FNBP1: variants seen among roughly 807,000 people sequenced by gnomAD.
The protein encoded by FNBP1 is formin binding protein 1.
A neutral mutation model predicts 90.6 loss-of-function variants in FNBP1; 26 were observed. That is an observed-to-expected ratio of 0.29 (90% CI 0.21 to 0.40). FNBP1 has a LOEUF of 0.40. Ranked by LOEUF, FNBP1 falls within the 10% of genes least tolerant of loss-of-function variation. The pLI is 1.00. For synonymous variants in FNBP1, 260 were observed against 265.2 expected (o/e 0.98, Z 0.19); for missense variants, 635 against 768.0 (o/e 0.83, Z 2.05).
rs1405040118 is a variant in FNBP1 at position 130,028,637 on chromosome 9, T to TAAA, written c.24+14312_24+14314dup. On this transcript the variant is annotated intron_variant, in intron 1 of 16. Coordinates refer to ENST00000446176, the MANE Select transcript of FNBP1 (RefSeq NM_015033.3). ...TTAACAGTCTATACCCCTCCCAGTCTAAAACACGGTTCACACAATGGTTCT... is the reference window on the plus strand; with the variant it reads ...TTAACAGTCTATACCCCTCCCAGTCTAAAAAAACACGGTTCACACAATGGTTCT... Among the ~76,000 whole-genome samples the TAAA allele has an allele frequency of 8.5e-4, 129 of 152,182 alleles. 11 individuals are homozygous for TAAA. Among genetic ancestry groups the TAAA allele is most frequent in the Non-Finnish European group, 2.9e-5 (2 of 68,032 alleles).
intron 4 of FNBP1, among the ~76,000 whole-genome samples, chr9:129,971,651 A>G (rs1239695772): frequency 6.6e-6 from 1 of 152,234 alleles, no homozygotes; most frequent in African/African-American, 2.4e-5. Flanking sequence ...TTGGCCTCCC[A>G]AAGTGCTGGG....
chr9:129,948,855 TA>T (rs1468433248), intron 6 of FNBP1, among the ~76,000 whole-genome samples: 1 of 151,952 alleles, frequency 6.6e-6, no homozygotes, highest in Non-Finnish European at 1.5e-5. Context: ...ACAGCTGTTT[TA>T]AAAGGGTTCA....
At chr9:129,973,586 C>T (rs1165291623) in intron 4 of FNBP1, among the ~76,000 whole-genome samples, 59 of 151,858 alleles carry the variant, frequency 3.9e-4, no homozygotes, top group Non-Finnish European at 6.6e-4. Flanking sequence ...CTGCAAGCTC[C>T]GCCTCCTGGG....
intron 12 of FNBP1, among the ~76,000 whole-genome samples, chr9:129,906,137 C>G (rs1324079189): frequency 6.6e-6 from 1 of 152,012 alleles, no homozygotes; most frequent in Non-Finnish European, 1.5e-5. Context: ...CCTGCCTCAG[C>G]CTCCCAAAGT....
At chr9:130,033,785 G>C (rs1483853166) in intron 1 of FNBP1, among the ~76,000 whole-genome samples, 3 of 148,002 alleles carry the variant, frequency 2.0e-5, no homozygotes, top group Non-Finnish European at 4.4e-5. Context: ...GAGGTCAGGA[G>C]AGTGAGACCA....
the FNBP1 span, among the ~76,000 whole-genome samples, chr9:130,051,101 A>G: frequency 6.6e-6 from 1 of 152,024 alleles, no homozygotes; most frequent in East Asian, 1.9e-4. Flanking sequence ...GGGTTTTGCC[A>G]TGTTAGCTAG....
intron 1 of FNBP1, among the ~76,000 whole-genome samples, chr9:130,029,138 TA>T (rs1320115647): frequency 6.6e-6 from 1 of 152,306 alleles, no homozygotes; most frequent in East Asian, 1.9e-4. Context: ...ATAAGTAGTT[TA>T]AAATATTGTT....
At chr9:129,996,347 A>C (rs2054001941) in intron 1 of FNBP1, among the ~76,000 whole-genome samples, 1 of 152,148 alleles carries the variant, frequency 6.6e-6, no homozygotes, top group Non-Finnish European at 1.5e-5. Flanking sequence ...GAAAGGACTA[A>C]GGGGGCGAGC....
rs183747597 is a variant in FNBP1 at position 129,917,082 on chromosome 9, G to A, written c.1171-1102C>T. Among the ~76,000 whole-genome samples the A allele has an allele frequency of 1.3e-3, 200 of 151,930 alleles. 4 individuals are homozygous for A. The highest frequency in any genetic ancestry group is 3.3e-3 in the Admixed American group (50 of 15,260). On this transcript the variant is annotated intron_variant, in intron 10 of 16. Coordinates refer to ENST00000446176, the MANE Select transcript of FNBP1 (RefSeq NM_015033.3). ...GGCAGGAGTGCAGTGGCGTAATCTC[G>A]GCTCACTGCCACCTCCGCCTCCCAG...
Position 129,900,541 on chromosome 9 carries a change from G to C in FNBP1, c.1435C>G (p.Leu479Val). 4.5e-6 allele frequency: 7 copies of C among 1,566,292 alleles called. No homozygotes were observed. The highest frequency in any genetic ancestry group is 6.0e-6 in the Non-Finnish European group (7 of 1,159,444). ...RVETQKFEAW[L>V]AEVEGRLPAR... is the part of the protein sequence containing the mutation. ...GGGAGCCGGCCTTCAACCTCAGCCA[G>C]CCAGGCCTGGAGACAAAAGCAATGA... The change falls in exon 14 of 17, where the codon CTG becomes GTG. Residue 479 changes from leucine (L) to valine (V), a missense_variant. Leu to Val is a conservative substitution (Grantham distance 32, BLOSUM62 1). Transcript: ENST00000446176. This position sits in a 1 kb window ranked among gnomAD's most constrained non-coding sequence, Gnocchi z 4.1.
intron 1 of FNBP1, among the ~76,000 whole-genome samples, chr9:130,003,919 G>T: frequency 7.6e-4 from 1 of 1,310 alleles, no homozygotes; most frequent in Non-Finnish European, 6.6e-3. Flanking sequence ...GCGAGACTCC[G>T]CCTCAAAAAA....
chr9:129,966,547 G>A lies in FNBP1; in HGVS notation c.346-7994C>T, dbSNP rs1301364313. On this transcript the variant is annotated intron_variant, in intron 4 of 16. Transcript: ENST00000446176. This position sits in a 1 kb window ranked among gnomAD's most constrained non-coding sequence, Gnocchi z 4.3. ...AGTTCGAGACCAGCCTGGCCAACATGATGAAATGCCGTCTCTACTAAAAAT... is the reference window on the plus strand; with the variant it reads ...AGTTCGAGACCAGCCTGGCCAACATAATGAAATGCCGTCTCTACTAAAAAT... 6.6e-6 allele frequency among the ~76,000 whole-genome samples: 1 copy of A among 152,076 alleles called. No homozygotes were observed. The highest frequency in any genetic ancestry group is 1.5e-5 in the Non-Finnish European group (1 of 68,016).
intron 1 of FNBP1, among the ~76,000 whole-genome samples, chr9:130,017,915 CTT>C (rs1233394287): frequency 3.9e-5 from 2 of 51,562 alleles, no homozygotes; most frequent in Admixed American, 1.8e-4. Flanking sequence ...CAACACTCTT[CTT>C]TTTTTTTTTT....
Position 129,890,278 on chromosome 9 carries a change from C to T in FNBP1, c.*261G>A, listed in dbSNP as rs944377048. The T allele has an allele frequency of 8.9e-4, 440 of 492,318 alleles. 11 individuals carry two copies. The East Asian group carries it at 0.016, about 18-fold the overall frequency. 30.5% of individuals were successfully genotyped at this position (492,318 alleles called of 1,614,324 possible). ...TGTCCCACCGTCTCAGTGGCCTGCGCGGGGTGGGGAGGGGGAGCGATGAGG... is the reference window on the plus strand; with the variant it reads ...TGTCCCACCGTCTCAGTGGCCTGCGTGGGGTGGGGAGGGGGAGCGATGAGG... On this transcript the variant is annotated 3_prime_UTR_variant, in exon 17 of 17. Transcript: ENST00000446176. The surrounding 1 kb of genome is among the most constrained non-coding windows in gnomAD (Gnocchi z 5.8).
intron 6 of FNBP1, among the ~76,000 whole-genome samples, chr9:129,933,088 C>G (rs543220888): frequency 1.3e-5 from 2 of 152,138 alleles, no homozygotes; most frequent in African/African-American, 4.8e-5. Flanking sequence ...CTGTAAAGAA[C>G]AGCAAGAGCT....
intron 12 of FNBP1, among the ~76,000 whole-genome samples, chr9:129,904,585 A>G (rs2037612143): frequency 6.6e-6 from 1 of 152,222 alleles, no homozygotes; most frequent in South Asian, 2.1e-4. Context: ...AACTAAAAAT[A>G]TAGAAATAAC....
At chr9:129,980,361 C>CAA (rs201407388) in intron 2 of FNBP1, among the ~76,000 whole-genome samples, 29 of 110,146 alleles carry the variant, frequency 2.6e-4, no homozygotes, top group Admixed American at 4.6e-4. Context: ...ACTCCATCTC[C>CAA]AAAAAAAAAA....
rs368231369 is a variant in FNBP1 at position 129,915,980 on chromosome 9, G to T, written c.1171C>A (p.Leu391Ile). The T allele has an allele frequency of 2.5e-6, 4 of 1,607,910 alleles. No individual in the cohort carries two copies. The highest frequency in any genetic ancestry group is 3.4e-6 in the Non-Finnish European group (4 of 1,175,318). ...IHCFRSLKRG[L>I]SLKLGATPED... ...ATTGTGCTTACCAGCTTGAGAGAAA[G>T]CTTCATGTAAAAATTGGAGAGGTAT... is the stretch of plus-strand genomic sequence containing the variant. Residue 391 changes from leucine (L) to isoleucine (I), a missense_variant and splice_region_variant, in exon 11 of 17, where the codon CTT becomes ATT. Leu to Ile is a conservative substitution (Grantham distance 5, BLOSUM62 2). Coordinates refer to ENST00000446176, the MANE Select transcript of FNBP1 (RefSeq NM_015033.3).
intron 2 of FNBP1, among the ~76,000 whole-genome samples, chr9:129,993,222 C>G (rs1348595234): frequency 1.4e-4 from 5 of 35,304 alleles, no homozygotes; most frequent in Non-Finnish European, 2.0e-4. Context: ...GTGAGACTGT[C>G]TCAAAAAAAA....
Sources: gnomAD v4.1 joint callset for allele counts (sites outside exome capture counted in the v4.1 genomes callset) on GRCh38, gnomAD v4.1.1 for gene constraint, Gnocchi (gnomAD v3.1) non-coding constraint, MANE v1.5 for transcripts, NCBI Gene and HGNC (gene_info 2026-07-23, HGNC 2026-07-21) for gene names.